Variants in PCNX2 observed in about 807,000 individuals in gnomAD.
The protein encoded by PCNX2 is pecanex-like protein 2.
In PCNX2, 168 loss-of-function variants were observed where a neutral mutation model predicts 223.8. The observed-to-expected ratio is 0.75, with a 90% CI of 0.66 to 0.85. PCNX2 has a LOEUF of 0.85. Ranked by LOEUF, PCNX2 falls within the 40% of genes least tolerant of loss-of-function variation. PCNX2 has a pLI of 0.00. For synonymous variants in PCNX2, 1,006 were observed against 1,052.6 expected (o/e 0.96, Z 0.86); for missense variants, 2,507 against 2,675.5 (o/e 0.94, Z 1.39).
intron 10 of PCNX2, among the ~76,000 whole-genome samples, chr1:233,221,447 C>T (rs772208559): frequency 6.6e-6 from 1 of 151,956 alleles, no homozygotes; most frequent in Non-Finnish European, 1.5e-5. Context: ...CATATTTTTC[C>T]TCCAAATTCT....
chr1:232,991,654 CAG>C lies in PCNX2; in HGVS notation c.5792-5116_5792-5115del, dbSNP rs1375110267. 6.6e-6 allele frequency among the ~76,000 whole-genome samples: 1 copy of C among 152,100 alleles called. No homozygotes were observed. The highest frequency in any genetic ancestry group is 1.5e-5 in the Non-Finnish European group (1 of 68,028). On this transcript the variant is annotated intron_variant, in intron 32 of 33. Coordinates refer to ENST00000258229, the MANE Select transcript of PCNX2 (RefSeq NM_014801.4). The surrounding 1 kb of genome is among the most constrained non-coding windows in gnomAD (Gnocchi z 4.3). Reference sequence around the variant, plus strand: ...CTTATAAAAAGGGGACGTGTGGACACAGAGAAGTACAGGGAGAACATGATGTG... The same window carrying C: ...CTTATAAAAAGGGGACGTGTGGACACAGAAGTACAGGGAGAACATGATGTG...
rs75482911 is a variant in PCNX2, at chr1:233,052,869, A to G, written c.4351+1399T>C. On this transcript the variant is annotated intron_variant, in intron 25 of 33. Coordinates refer to ENST00000258229, the MANE Select transcript of PCNX2 (RefSeq NM_014801.4). ...AGTAAACACACCTCTGCCCATGCAG[A>G]CACTCGATCTAGAAACTTGGGGGGC... is the stretch of plus-strand genomic sequence containing the variant. Among the ~76,000 whole-genome samples the G allele has an allele frequency of 2.1e-4, 32 of 152,066 alleles. No individual in the cohort carries two copies. The East Asian group carries it at 6.3e-3, about 30-fold the overall frequency.
At chr1:233,169,558 T>C (rs10910668) in intron 17 of PCNX2, among the ~76,000 whole-genome samples, 9,536 of 146,996 alleles carry the variant, frequency 0.065, 895 homozygotes, top group African/African-American at 0.21. Context: ...GGCAGGAGAA[T>C]GGCGTGAACC....
At chr1:233,315,331 C>G in the PCNX2 span, among the ~76,000 whole-genome samples, 1 of 152,176 alleles carries the variant, frequency 6.6e-6, no homozygotes, top group Non-Finnish European at 1.5e-5. Flanking sequence ...AATTAACATA[C>G]GCTTCATGCA....
rs187564963 is a variant in PCNX2, at chr1:233,230,798, C to A, written c.2359-3427G>T. Among the ~76,000 whole-genome samples the A allele has an allele frequency of 2.4e-3, 359 of 152,232 alleles. 3 individuals carry two copies. Among genetic ancestry groups the A allele is most frequent in the African/African-American group, 8.5e-3 (351 of 41,530 alleles). On this transcript the variant is annotated intron_variant, in intron 9 of 33. Transcript: ENST00000258229. The stretch of plus-strand genomic sequence containing the variant: ...TTTAATGAATTTGAATTATCAAGAA[C>A]AACTTACATTATTATCAGTATATTC...
At chr1:233,042,560 G>A (rs1310456024) in intron 25 of PCNX2, among the ~76,000 whole-genome samples, 1 of 152,150 alleles carries the variant, frequency 6.6e-6, no homozygotes. Context: ...TCTCCTCCCT[G>A]GGAGGGAATT....
intron 28 of PCNX2, among the ~76,000 whole-genome samples, chr1:233,010,796 C>T (rs1182457454): frequency 1.3e-5 from 2 of 152,196 alleles, no homozygotes; most frequent in Admixed American, 6.5e-5. Context: ...GTCTTTTGCT[C>T]ACTTACATTT....
intron 28 of PCNX2, among the ~76,000 whole-genome samples, chr1:233,010,952 A>G (rs1670446288): frequency 6.6e-6 from 1 of 152,242 alleles, no homozygotes; most frequent in Non-Finnish European, 1.5e-5. Flanking sequence ...CAAGTGAAGC[A>G]TATGTTTAAG....
intron 15 of PCNX2, among the ~76,000 whole-genome samples, chr1:233,189,246 C>G (rs1680284857): frequency 1.3e-5 from 2 of 152,206 alleles, no homozygotes; most frequent in Non-Finnish European, 1.5e-5. Flanking sequence ...ATGTTGATAT[C>G]TTCCTTATCG....
rs751902024 is a variant in PCNX2, at chr1:233,258,393, C to G, written c.1469G>C (p.Trp490Ser). ...KDHSSSSREP[W>S]ESVSRLTPDT... Reference sequence around the variant, plus strand: ...AGGTGTAAGCCGGGACACCGATTCCCAGGGTTCCCGTGATGAAGAACTGTG... The same window carrying G: ...AGGTGTAAGCCGGGACACCGATTCCGAGGGTTCCCGTGATGAAGAACTGTG... The change falls in exon 5 of 34, where the codon TGG becomes TCG. Residue 490 changes from tryptophan to serine, a missense_variant. Trp to Ser is a radical substitution (Grantham distance 177). This residue lies in a region of PCNX2 where 1,031 missense variants were observed against 1,021.7 expected (regional missense o/e 1.01). Coordinates refer to ENST00000258229, the MANE Select transcript of PCNX2 (RefSeq NM_014801.4). 7 of 1,613,966 alleles carry G rather than the reference C, an allele frequency of 4.3e-6. No individual in the cohort carries two copies. The highest frequency in any genetic ancestry group is 5.1e-6 in the Non-Finnish European group (6 of 1,179,890).
intron 1 of PCNX2, among the ~76,000 whole-genome samples, chr1:233,288,275 A>G (rs1263266927): frequency 6.6e-6 from 1 of 152,236 alleles, no homozygotes; most frequent in Non-Finnish European, 1.5e-5. Context: ...ATAATAGGGT[A>G]TTAAAGTATT....
Position 233,227,345 on chromosome 1 carries a change from C to T in PCNX2, c.2385G>A (p.Ser795=), listed in dbSNP as rs758873934. 1.9e-5 allele frequency: 31 copies of T among 1,613,032 alleles called. No individual in the cohort carries two copies. Among genetic ancestry groups the T allele is most frequent in the East Asian group, 1.8e-4 (8 of 44,862 alleles). ...ATTTTCCTTGTGTTGAAGAACATGA[C>T]GAGGCTTCCAGATCCTGACTCACAT... ...PRHVSQDLEA[S]SCSSTQGKFN... Residue 795 remains serine, a synonymous_variant, in exon 10 of 34, where the codon TCG becomes TCA. Coordinates refer to ENST00000258229, the MANE Select transcript of PCNX2 (RefSeq NM_014801.4).
At chr1:232,996,093 C>G (rs1669865595) in intron 32 of PCNX2, among the ~76,000 whole-genome samples, 1 of 152,132 alleles carries the variant, frequency 6.6e-6, no homozygotes, top group Non-Finnish European at 1.5e-5. Context: ...AACTCCTGAC[C>G]TCAAGTGATC....
At chr1:233,048,947 G>A (rs1443058720) in intron 25 of PCNX2, among the ~76,000 whole-genome samples, 4 of 152,138 alleles carry the variant, frequency 2.6e-5, no homozygotes, top group African/African-American at 9.7e-5. Context: ...ACTCTTCCAA[G>A]ATTGAATCAG....
chr1:233,294,731 C>A (rs371580816), intron 1 of PCNX2, among the ~76,000 whole-genome samples: 7 of 152,282 alleles, frequency 4.6e-5, no homozygotes, highest in African/African-American at 1.7e-4. Flanking sequence ...AAATGTCAAG[C>A]CCCATCTAAA....
chr1:233,077,826 A>G (rs6424274), intron 23 of PCNX2, among the ~76,000 whole-genome samples: 40,777 of 151,726 alleles, frequency 0.27, 7,159 homozygotes, highest in African/African-American at 0.5. Flanking sequence ...TCATTTAAAA[A>G]ATCATGAAAG....
chr1:233,192,462 C>A (rs1680475770), intron 15 of PCNX2, among the ~76,000 whole-genome samples: 1 of 152,230 alleles, frequency 6.6e-6, no homozygotes, highest in South Asian at 2.1e-4. Flanking sequence ...CAAAACAGGT[C>A]TATGAACTGA....
chr1:233,322,591 G>C, the PCNX2 span, among the ~76,000 whole-genome samples: 3 of 152,080 alleles, frequency 2.0e-5, no homozygotes, highest in African/African-American at 7.2e-5. Context: ...CCAGGCGTTC[G>C]ACTCAAGAGA....
chr1:233,067,073 G>T (rs1261577542), intron 23 of PCNX2, among the ~76,000 whole-genome samples: 1 of 151,964 alleles, frequency 6.6e-6, no homozygotes. Context: ...TAACAAAGCA[G>T]CAACCCCTTT....
Sources: allele counts gnomAD v4.1 joint callset (sites outside exome capture counted in the v4.1 genomes callset), GRCh38; gene constraint gnomAD v4.1.1; regional missense constraint gnomAD v4.1.1; non-coding constraint Gnocchi (gnomAD v3.1); transcripts MANE v1.5; gene names NCBI Gene and HGNC (gene_info 2026-07-23, HGNC 2026-07-21).